DAAM1: variants seen among roughly 807,000 people sequenced by gnomAD.
DAAM1 encodes disheveled-associated activator of morphogenesis 1.
In DAAM1, 52 loss-of-function variants were observed where a neutral mutation model predicts 130.0. The ratio of observed to expected loss-of-function variants is 0.40; its 90% CI spans 0.32 to 0.50. The LOEUF (loss-of-function observed/expected upper bound fraction) is 0.50, where lower values mean the gene tolerates loss of function less well. DAAM1 is among the 20% of genes least tolerant of loss of function. The pLI, the probability that DAAM1 is intolerant of heterozygous loss-of-function variation, is 0.61. For missense variants in DAAM1, 1,134 were observed against 1,303.8 expected (o/e 0.87, Z 2.01); for synonymous variants, 452 against 444.5 (o/e 1.02, Z -0.21).
At chr14:59,330,155 T>C (rs1394245543) in intron 12 of DAAM1, among the ~76,000 whole-genome samples, 1 of 152,222 alleles carries the variant, frequency 6.6e-6, no homozygotes, top group South Asian at 2.1e-4. Context: ...CTTGTATTGC[T>C]AAAGGACCAT....
At chr14:59,277,216 A>G (rs1341737292) in intron 2 of DAAM1, among the ~76,000 whole-genome samples, 1 of 152,186 alleles carries the variant, frequency 6.6e-6, no homozygotes, top group African/African-American at 2.4e-5. Flanking sequence ...CTTATTGTAT[A>G]TTATTTCAAA....
intron 17 of DAAM1, among the ~76,000 whole-genome samples, chr14:59,348,174 T>G (rs1886154461): frequency 6.6e-6 from 1 of 152,202 alleles, no homozygotes; most frequent in Non-Finnish European, 1.5e-5. Flanking sequence ...CCCCCTCTTG[T>G]GTCATAAATA....
chr14:59,285,579 A>C (rs1029512488), intron 2 of DAAM1, among the ~76,000 whole-genome samples: 1 of 152,084 alleles, frequency 6.6e-6, no homozygotes, highest in Non-Finnish European at 1.5e-5. Context: ...AAAGTAAAAG[A>C]AGTGTCAGGA....
intron 1 of DAAM1, among the ~76,000 whole-genome samples, chr14:59,228,083 A>G (rs1888995282): frequency 6.6e-6 from 1 of 152,182 alleles, no homozygotes; most frequent in African/African-American, 2.4e-5. Flanking sequence ...TCAACCCACA[A>G]GTTGTTTTTT....
At chr14:59,247,241 G>C (rs1440828233) in intron 1 of DAAM1, among the ~76,000 whole-genome samples, 1 of 152,012 alleles carries the variant, frequency 6.6e-6, no homozygotes, top group African/African-American at 2.4e-5. Context: ...CTATTCCATT[G>C]GTCTCTATGT....
intron 14 of DAAM1, 98 bp from the exon 15 acceptor site, chr14:59,331,715 A>C: frequency 2.0e-6 from 3 of 1,503,876 alleles, no homozygotes; most frequent in Non-Finnish European, 2.7e-6. Flanking sequence ...TGTCTGGTAG[A>C]CTGAAAAATT....
intron 1 of DAAM1, among the ~76,000 whole-genome samples, chr14:59,254,352 C>T (rs1881775643): frequency 1.3e-5 from 2 of 152,138 alleles, no homozygotes; most frequent in Admixed American, 6.5e-5. Flanking sequence ...AAGAACAAAA[C>T]TTGGCCTCTT....
intron 1 of DAAM1, among the ~76,000 whole-genome samples, chr14:59,248,247 G>A (rs796125434): frequency 6.6e-6 from 1 of 152,212 alleles, no homozygotes; most frequent in Admixed American, 6.5e-5. Flanking sequence ...GTTGGGTGGA[G>A]AGGACATGTT....
intron 2 of DAAM1, among the ~76,000 whole-genome samples, chr14:59,286,914 G>A (rs1022013742): frequency 6.6e-6 from 1 of 152,038 alleles, no homozygotes; most frequent in African/African-American, 2.4e-5. Flanking sequence ...CAAAGAGAAG[G>A]GACTCCTCCC....
intron 20 of DAAM1, chr14:59,357,198 A>G (rs952558124): frequency 1.3e-5 from 2 of 152,238 alleles, no homozygotes; most frequent in Non-Finnish European, 2.9e-5. Flanking sequence ...ATAGCAAGAA[A>G]GATGTGTATG....
At chr14:59,257,693 G>A (rs1351052868) in intron 1 of DAAM1, among the ~76,000 whole-genome samples, 3 of 152,264 alleles carry the variant, frequency 2.0e-5, no homozygotes, top group South Asian at 2.1e-4. Flanking sequence ...CTTCCAGCAC[G>A]TAACTCCTCT....
rs935276128 is a variant in DAAM1, at chr14:59,245,741, C to T, written c.-37-17700C>T. On this transcript the variant is annotated intron_variant, in intron 1 of 24. Transcript: ENST00000360909. ...AATGGTTTGGTAGCTTTTCCCCCAT[C>T]GCCCCATTGTAAATTGATGACAAAT... Among the ~76,000 whole-genome samples the T allele has an allele frequency of 4.6e-5, 7 of 152,122 alleles. No individual in the cohort carries two copies. The South Asian group carries it at 6.2e-4, about 14-fold the overall frequency.
chr14:59,278,110 G>T (rs975546003), intron 2 of DAAM1, among the ~76,000 whole-genome samples: 38 of 152,086 alleles, frequency 2.5e-4, no homozygotes, highest in African/African-American at 3.9e-4. Flanking sequence ...TGTGAATGTG[G>T]TCTCCTCCTC....
rs532889836 is a variant in DAAM1, at chr14:59,243,619, C to T, written c.-37-19822C>T. Among the ~76,000 whole-genome samples the T allele has an allele frequency of 9.1e-4, 138 of 152,258 alleles. 2 individuals are homozygous for T. The highest frequency in any genetic ancestry group is 3.2e-3 in the African/African-American group (134 of 41,532). On this transcript the variant is annotated intron_variant, in intron 1 of 24. Transcript: ENST00000360909. The stretch of plus-strand genomic sequence containing the variant: ...TCTGATCCCTCAATTCAACAAGACC[C>T]TTGAACTTGGTTTGGATTTCCTCTT...
chr14:59,327,402 C>CTTTTTTGTTTTTTTTTTTTTTTT (rs1885249637), intron 12 of DAAM1, among the ~76,000 whole-genome samples: 1 of 58,992 alleles, frequency 1.7e-5, no homozygotes, highest in Admixed American at 2.5e-4. Flanking sequence ...CACTTGGTTT[C>CTTTTTTGTTTTTTTTTTTTTTTT]TTTTTTTTTT....
At chr14:59,353,754 G>A in intron 18 of DAAM1, 122 bp from the exon 19 acceptor site, 1 of 811,634 alleles carries the variant, frequency 1.2e-6, no homozygotes, top group Non-Finnish European at 2.0e-6. Flanking sequence ...TAATGTATGT[G>A]TGTCGGGGGA....
At chr14:59,364,402 G>T (rs1886832800) in intron 23 of DAAM1, among the ~76,000 whole-genome samples, 1 of 151,644 alleles carries the variant, frequency 6.6e-6, no homozygotes, top group African/African-American at 2.4e-5. Flanking sequence ...CCTTGGAAGA[G>T]AAATTTTTGT....
intron 1 of DAAM1, among the ~76,000 whole-genome samples, chr14:59,245,980 C>T (rs1290211665): frequency 6.6e-6 from 1 of 152,162 alleles, no homozygotes. Context: ...CGCTGAAGAA[C>T]TCATTGCTTA....
intron 2 of DAAM1, among the ~76,000 whole-genome samples, chr14:59,287,457 T>G (rs891219017): frequency 2.0e-5 from 3 of 152,082 alleles, no homozygotes; most frequent in African/African-American, 7.2e-5. Context: ...GAGAAAGAAA[T>G]AAAAGGCTTC....
Sources: gnomAD v4.1 joint callset for allele counts (sites outside exome capture counted in the v4.1 genomes callset) on GRCh38, gnomAD v4.1.1 for gene constraint, MANE v1.5 for transcripts, NCBI Gene and HGNC (gene_info 2026-07-23, HGNC 2026-07-21) for gene names.